The following CHCHD6 variants were observed in gnomAD, a reference collection of about 807,000 sequenced individuals.
CHCHD6 encodes coiled-coil-helix-coiled-coil-helix domain containing 6, also known as MICOS complex subunit MIC25.
Under a neutral mutation model 32.3 loss-of-function variants are expected in CHCHD6, and 28 were observed. That is an observed-to-expected ratio of 0.87 (90% CI 0.64 to 1.19). CHCHD6 has a LOEUF of 1.19. Ranked by LOEUF, CHCHD6 falls within the 50% of genes most tolerant of loss-of-function variation. CHCHD6 has a pLI of 0.00. For synonymous variants in CHCHD6, 122 were observed against 117.5 expected, an observed-to-expected ratio of 1.04 and a Z score of -0.25; for missense variants, 333 against 307.0, an observed-to-expected ratio of 1.08 and a Z score of -0.63.
At chr3:126,730,369 G>A (rs1935735749) in intron 2 of CHCHD6, among the ~76,000 whole-genome samples, 192 bp from the exon 3 acceptor site, 1 of 152,186 alleles carries the variant, frequency 6.6e-6, no homozygotes, top group African/African-American at 2.4e-5. Flanking sequence ...GGATCATCTG[G>A]CTTTCCAGAC....
chr3:126,865,493 C>T (rs1228275017), intron 5 of CHCHD6: 8 of 861,028 alleles, frequency 9.3e-6, no homozygotes, highest in Middle Eastern at 6.1e-4. Flanking sequence ...TCACCAACTT[C>T]GCCTTCACCA....
At chr3:126,909,714 G>A (rs1045846971) in intron 5 of CHCHD6, among the ~76,000 whole-genome samples, 26 of 152,184 alleles carry the variant, frequency 1.7e-4, no homozygotes, top group African/African-American at 4.6e-4. Flanking sequence ...TGCAAATTTG[G>A]GAAACTAAAG....
intron 4 of CHCHD6, among the ~76,000 whole-genome samples, chr3:126,849,995 C>A (rs1185253211): frequency 6.6e-6 from 1 of 152,106 alleles, no homozygotes; most frequent in African/African-American, 2.4e-5. Flanking sequence ...GTGTGCTCTT[C>A]CATACTTCAC....
chr3:126,746,886 C>T (rs578230146), intron 4 of CHCHD6, among the ~76,000 whole-genome samples: 1 of 152,240 alleles, frequency 6.6e-6, no homozygotes, highest in African/African-American at 2.4e-5. Flanking sequence ...TGGGCTTTGC[C>T]ACTTCAGGAC....
intron 4 of CHCHD6, among the ~76,000 whole-genome samples, chr3:126,776,954 C>T (rs1199223096): frequency 6.6e-6 from 1 of 152,156 alleles, no homozygotes; most frequent in African/African-American, 2.4e-5. Flanking sequence ...AGGTGAAGAC[C>T]TGGCCTCTAG....
chr3:126,884,390 ATTATT>A, intron 5 of CHCHD6, among the ~76,000 whole-genome samples: 1 of 152,342 alleles, frequency 6.6e-6, no homozygotes, highest in South Asian at 2.1e-4. Context: ...CAAAGAGGGA[ATTATT>A]TTAACTTAAT....
intron 4 of CHCHD6, among the ~76,000 whole-genome samples, chr3:126,747,735 C>G (rs562730921): frequency 3.3e-4 from 51 of 152,294 alleles, no homozygotes; most frequent in African/African-American, 1.2e-3. Flanking sequence ...GTACTGACAG[C>G]TAGATATATC....
intron 5 of CHCHD6, among the ~76,000 whole-genome samples, chr3:126,860,324 A>G (rs910294090): frequency 6.6e-6 from 1 of 152,038 alleles, no homozygotes; most frequent in Non-Finnish European, 1.5e-5. Flanking sequence ...AGCCCAAGGG[A>G]CTTTTGAAGA....
At chr3:126,906,974 T>C (rs1361658445) in intron 5 of CHCHD6, among the ~76,000 whole-genome samples, 2 of 152,012 alleles carry the variant, frequency 1.3e-5, no homozygotes, top group African/African-American at 2.4e-5. Context: ...ATAGGGACCA[T>C]GGGTGTGGGC....
At chr3:126,743,947 G>A (rs978113698) in intron 4 of CHCHD6, among the ~76,000 whole-genome samples, 2 of 152,182 alleles carry the variant, frequency 1.3e-5, no homozygotes, top group African/African-American at 4.8e-5. Context: ...GGTATGCGCT[G>A]GCAGTGAGGG....
intron 6 of CHCHD6, among the ~76,000 whole-genome samples, chr3:126,935,606 G>A (rs1356115758): frequency 3.3e-5 from 5 of 152,184 alleles, no homozygotes; most frequent in African/African-American, 4.8e-5. Context: ...AACCGTGTGC[G>A]GCTTAGTCTA....
At chr3:126,787,869 A>T (rs917019553) in intron 4 of CHCHD6, among the ~76,000 whole-genome samples, 1 of 152,174 alleles carries the variant, frequency 6.6e-6, no homozygotes, top group Non-Finnish European at 1.5e-5. Flanking sequence ...TATGTTGAAT[A>T]GGAGTGGTGA....
chr3:126,731,330 A>T (rs1163542348), intron 3 of CHCHD6, among the ~76,000 whole-genome samples: 1 of 151,996 alleles, frequency 6.6e-6, no homozygotes, highest in Non-Finnish European at 1.5e-5. Context: ...CTGTCATGGG[A>T]CCTGCTTCCT....
At chr3:126,892,442 C>G (rs1378519968) in intron 5 of CHCHD6, among the ~76,000 whole-genome samples, 1 of 152,216 alleles carries the variant, frequency 6.6e-6, no homozygotes, top group Admixed American at 6.5e-5. Flanking sequence ...CTTGGTCTCT[C>G]CTGCCGCAGG....
At chr3:126,852,398 A>G (rs1341759354) in intron 4 of CHCHD6, among the ~76,000 whole-genome samples, 1 of 152,202 alleles carries the variant, frequency 6.6e-6, no homozygotes, top group Non-Finnish European at 1.5e-5. Context: ...AGAACTGTGA[A>G]CAGGACTCCC....
At position 126,727,133 on chromosome 3, in the gene CHCHD6, C is replaced by T. The variant is rs770640334; in HGVS notation, c.143C>T (p.Pro48Leu). The T allele has an allele frequency of 6.2e-7, 1 of 1,614,154 alleles. No homozygotes were observed. The highest frequency in any genetic ancestry group is 8.5e-7 in the Non-Finnish European group (1 of 1,180,002). Residue 48 changes from proline (P) to leucine (L), a missense_variant, in exon 2 of 8, where the codon CCC (proline) becomes CTC (leucine). Transcript: ENST00000290913. The part of the protein sequence containing the change: ...MKEPSSPPPA[P>L]TSSTFGLQDG... The stretch of plus-strand genomic sequence containing the variant: ...GAGCCCAGCTCTCCACCCCCTGCTC[C>T]CACATCTTCTACCTTTGGCCTTCAA...
At chr3:126,954,373 G>C (rs2078755755) in intron 6 of CHCHD6, among the ~76,000 whole-genome samples, 1 of 152,226 alleles carries the variant, frequency 6.6e-6, no homozygotes, top group African/African-American at 2.4e-5. Context: ...GGCAAATGTG[G>C]CTGTGTCTTC....
At position 126,838,600 on chromosome 3, in the gene CHCHD6, C is replaced by A. The variant is rs144847446; in HGVS notation, c.412-14047C>A. Among the ~76,000 whole-genome samples the A allele has an allele frequency of 9.9e-4, 151 of 152,330 alleles. 1 individual carries two copies. The highest frequency in any genetic ancestry group is 1.5e-3 in the Non-Finnish European group (103 of 68,034). ...ATGGAATGGTGTGCACCTGTCCAAGCTGGCTTATGGAAGGAAGGGAGGGAC... is the reference window on the plus strand; with the variant it reads ...ATGGAATGGTGTGCACCTGTCCAAGATGGCTTATGGAAGGAAGGGAGGGAC... On this transcript the variant is annotated intron_variant, in intron 4 of 7. Coordinates refer to ENST00000290913, the MANE Select transcript of CHCHD6 (RefSeq NM_032343.3).
chr3:126,733,700 C>T (rs1338314972), intron 4 of CHCHD6, among the ~76,000 whole-genome samples: 1 of 152,212 alleles, frequency 6.6e-6, no homozygotes, highest in Non-Finnish European at 1.5e-5. Context: ...TGTTTACACA[C>T]AGGACTGCCC....
Sources: gnomAD v4.1 joint callset for allele counts (sites outside exome capture counted in the v4.1 genomes callset) on GRCh38, gnomAD v4.1.1 for gene constraint, MANE v1.5 for transcripts, NCBI Gene and HGNC (gene_info 2026-07-23, HGNC 2026-07-21) for gene names.